The following RFC3 variants were observed in gnomAD, a reference collection of about 807,000 sequenced individuals.
The protein encoded by RFC3 is replication factor C subunit 3.
In RFC3, 41 loss-of-function variants were observed where a neutral mutation model predicts 45.1. The observed-to-expected ratio is 0.91, with a 90% confidence interval of 0.71 to 1.18. The LOEUF (loss-of-function observed/expected upper bound fraction) is 1.18, where lower values mean the gene tolerates loss of function less well. Among genes scored for constraint, RFC3 ranks in the 50% most tolerant of loss-of-function variants. RFC3 has a pLI of 0.00. For synonymous variants in RFC3, 149 were observed against 144.0 expected (o/e 1.03, Z -0.25); for missense variants, 423 against 428.1 (o/e 0.99, Z 0.10).
chr13:33,824,179 A>G lies in RFC3; in HGVS notation c.293+195A>G, dbSNP rs548688912. ...CTTCCTGTTTTGCCTTCTGTGTCAA[A>G]TAATTTCAACAATGTATTTACCTTT... On this transcript the variant is annotated intron_variant, in intron 3 of 8. Transcript: ENST00000380071. Among the ~76,000 whole-genome samples, 9 of 152,258 alleles carry G rather than the reference A, an allele frequency of 5.9e-5. No homozygotes were observed. The East Asian group carries it at 1.7e-3, about 29-fold the overall frequency.
downstream of RFC3, among the ~76,000 whole-genome samples, chr13:33,839,012 T>C (rs1405261450): frequency 1.3e-5 from 2 of 152,214 alleles, no homozygotes; most frequent in Non-Finnish European, 2.9e-5. Context: ...TTTATCCTTC[T>C]GTCTGTGTAG....
At chr13:33,962,743 T>G (rs1566044245) in intron 8 of RFC3, among the ~76,000 whole-genome samples, 1 of 152,132 alleles carries the variant, frequency 6.6e-6, no homozygotes, top group African/African-American at 2.4e-5. Flanking sequence ...CCAAATAGTG[T>G]TATGTATGTA....
At chr13:33,974,019 G>A in the RFC3 span, among the ~76,000 whole-genome samples, 2 of 152,164 alleles carry the variant, frequency 1.3e-5, no homozygotes, top group African/African-American at 4.8e-5. Context: ...TAGGCCATGT[G>A]CTCTAAGGGC....
At chr13:33,974,972 T>G in the RFC3 span, among the ~76,000 whole-genome samples, 1 of 152,206 alleles carries the variant, frequency 6.6e-6, no homozygotes, top group Non-Finnish European at 1.5e-5. Context: ...GTACAGCCAC[T>G]TTGGAACACA....
At chr13:33,956,149 T>TGAG (rs1440321158) in intron 8 of RFC3, among the ~76,000 whole-genome samples, 1 of 152,194 alleles carries the variant, frequency 6.6e-6, no homozygotes, top group East Asian at 1.9e-4. Context: ...CCCTCTATCT[T>TGAG]GCCTCCTCTT....
intron 8 of RFC3, among the ~76,000 whole-genome samples, chr13:33,953,144 A>G (rs1268824760): frequency 6.6e-6 from 1 of 152,176 alleles, no homozygotes; most frequent in Non-Finnish European, 1.5e-5. Context: ...CTCATAGTTT[A>G]CAATTCCTAT....
intron 8 of RFC3, among the ~76,000 whole-genome samples, chr13:33,872,802 C>CCCT (rs1555235500): frequency 7.5e-6 from 1 of 133,230 alleles, no homozygotes; most frequent in African/African-American, 2.9e-5. Context: ...ACCCCCCCCC[C>CCCT]CAAAATACAT....
At chr13:33,957,070 A>G (rs1373563159) in intron 8 of RFC3, among the ~76,000 whole-genome samples, 7 of 152,194 alleles carry the variant, frequency 4.6e-5, no homozygotes, top group Admixed American at 1.3e-4. Context: ...CTACTGATCT[A>G]TATTTAAACA....
At chr13:33,865,802 C>T (rs1448251654) in intron 8 of RFC3, among the ~76,000 whole-genome samples, 1 of 152,076 alleles carries the variant, frequency 6.6e-6, no homozygotes, top group Non-Finnish European at 1.5e-5. Flanking sequence ...ACCTGTAATC[C>T]CAGCACTTTG....
chr13:33,917,464 A>G (rs2082740274), intron 8 of RFC3, among the ~76,000 whole-genome samples: 2 of 152,058 alleles, frequency 1.3e-5, no homozygotes, highest in Admixed American at 6.6e-5. Context: ...TCCTTAAATA[A>G]ATTAGGATCT....
At chr13:33,911,429 T>G (rs1259601594) in intron 8 of RFC3, among the ~76,000 whole-genome samples, 1 of 152,122 alleles carries the variant, frequency 6.6e-6, no homozygotes, top group African/African-American at 2.4e-5. Context: ...AGCAAGTATT[T>G]TGGGGTGTAT....
chr13:33,937,620 A>G (rs2082895328), intron 8 of RFC3, among the ~76,000 whole-genome samples: 1 of 152,186 alleles, frequency 6.6e-6, no homozygotes, highest in Admixed American at 6.5e-5. Context: ...CACAATTACC[A>G]TGTAGCATGC....
chr13:33,971,060 T>C (rs1593726372), downstream of RFC3, among the ~76,000 whole-genome samples: 1 of 152,128 alleles, frequency 6.6e-6, no homozygotes, highest in African/African-American at 2.4e-5. Flanking sequence ...AAAAAAAATA[T>C]AGAATAGAAC....
intron 8 of RFC3, among the ~76,000 whole-genome samples, chr13:33,883,135 A>G (rs1329717453): frequency 1.3e-5 from 2 of 152,228 alleles, no homozygotes; most frequent in Non-Finnish European, 2.9e-5. Context: ...ATACCCAGGC[A>G]TGTAATTGAT....
chr13:33,937,909 C>T (rs1177467493), intron 8 of RFC3, among the ~76,000 whole-genome samples: 1 of 152,088 alleles, frequency 6.6e-6, no homozygotes, highest in Non-Finnish European at 1.5e-5. Context: ...CTCCTAGTGT[C>T]TCAGCTCTCT....
chr13:33,924,803 ATTTAT>A (rs1400032017), intron 8 of RFC3, among the ~76,000 whole-genome samples: 1 of 149,882 alleles, frequency 6.7e-6, no homozygotes, highest in Non-Finnish European at 1.5e-5. Context: ...ACAAACTTTT[ATTTAT>A]AAGTTTTGTA....
At chr13:33,969,235 G>A (rs1017211400), downstream of RFC3, among the ~76,000 whole-genome samples, 1 of 152,164 alleles carries the variant, frequency 6.6e-6, no homozygotes, top group Non-Finnish European at 1.5e-5. Flanking sequence ...AATCAATAAG[G>A]AGTAAGAATT....
Position 33,834,619 on chromosome 13 carries a change from G to A in RFC3, c.810-529G>A, listed in dbSNP as rs140429752. ...GCTTTTTTACTGTGCAATCTAGGCA[G>A]TGGCATTGTATTATATTTCATGCGT... is the stretch of plus-strand genomic sequence containing the variant. On this transcript the variant is annotated intron_variant, in intron 7 of 8. Coordinates refer to ENST00000380071, the MANE Select transcript of RFC3 (RefSeq NM_002915.4). 1.3e-3 allele frequency among the ~76,000 whole-genome samples: 204 copies of A among 152,056 alleles called. 1 individual carries two copies. Among genetic ancestry groups the A allele is most frequent in the African/African-American group, 3.9e-3 (162 of 41,476 alleles).
intron 8 of RFC3, among the ~76,000 whole-genome samples, chr13:33,908,607 TACAC>T (rs71074991): frequency 0.4 from 57,448 of 142,302 alleles, 11,503 homozygotes; most frequent in Non-Finnish European, 0.44. Context: ...ACACAGGAGA[TACAC>T]ACACACACAC....
Sources: allele counts gnomAD v4.1 joint callset (sites outside exome capture counted in the v4.1 genomes callset), GRCh38; gene constraint gnomAD v4.1.1; transcripts MANE v1.5; gene names NCBI Gene and HGNC (gene_info 2026-07-23, HGNC 2026-07-21).